Variants in PTPN4 observed in about 807,000 individuals in gnomAD.
PTPN4 encodes the protein tyrosine-protein phosphatase non-receptor type 4.
In PTPN4, 49 loss-of-function variants were observed where a neutral mutation model predicts 135.5. That is an observed-to-expected ratio of 0.36 (90% CI 0.29 to 0.46). The LOEUF is 0.46. Ranked by LOEUF, PTPN4 falls within the 20% of genes least tolerant of loss-of-function variation. The pLI, the probability that PTPN4 is intolerant of heterozygous loss-of-function variation, is 1.00. For missense variants in PTPN4, 860 were observed against 1,101.0 expected, an observed-to-expected ratio of 0.78 and a Z score of 3.10; for synonymous variants, 333 against 369.9, an observed-to-expected ratio of 0.90 and a Z score of 1.14.
At chr2:119,857,442 G>C (rs377031376) in intron 2 of PTPN4, among the ~76,000 whole-genome samples, 2 of 151,712 alleles carry the variant, frequency 1.3e-5, no homozygotes, top group East Asian at 3.9e-4. Flanking sequence ...GCTGAGGCAG[G>C]GGAATTGCTT....
Position 119,983,239 on chromosome 2 carries a change from A to G in PTPN4, c.*6169A>G, listed in dbSNP as rs1558782707. ...TGATAAGCTTAAATGCCACATCGCT[A>G]AGTACAATTATTACCAGGAATCCGT... On this transcript the variant is annotated 3_prime_UTR_variant, in exon 27 of 27. Transcript: ENST00000263708. 1 of 152,192 alleles carries G rather than the reference A, an allele frequency of 6.6e-6. No individual in the cohort carries two copies. The highest frequency in any genetic ancestry group is 1.5e-5 in the Non-Finnish European group (1 of 68,034). 9.4% of individuals were successfully genotyped at this position (152,192 alleles called of 1,614,324 possible).
intron 2 of PTPN4, among the ~76,000 whole-genome samples, chr2:119,822,796 C>T (rs1053134656): frequency 6.6e-6 from 1 of 152,108 alleles, no homozygotes; most frequent in African/African-American, 2.4e-5. Flanking sequence ...AACACATTTT[C>T]AGTCCATCAC....
intron 2 of PTPN4, among the ~76,000 whole-genome samples, chr2:119,815,967 C>T (rs907029482): frequency 1.3e-4 from 20 of 152,142 alleles, no homozygotes; most frequent in Admixed American, 1.3e-3. Flanking sequence ...GAATATCTCT[C>T]TCAATAAAAA....
intron 26 of PTPN4, among the ~76,000 whole-genome samples, chr2:119,972,845 A>C (rs941709869): frequency 4.6e-5 from 7 of 152,110 alleles, no homozygotes; most frequent in African/African-American, 1.7e-4. Context: ...TTAAGGTGGT[A>C]TATGACATTG....
chr2:119,843,089 G>C (rs1380288026), intron 2 of PTPN4, among the ~76,000 whole-genome samples: 2 of 152,094 alleles, frequency 1.3e-5, no homozygotes, highest in East Asian at 3.8e-4. Context: ...ATATGATCAT[G>C]TGACTTTTCA....
In PTPN4 at chr2:119,980,635, C is replaced by T. The variant is rs1051251302; in HGVS notation, c.*3565C>T. 6.6e-6 allele frequency: 1 copy of T among 151,734 alleles called. No individual in the cohort carries two copies. The highest frequency in any genetic ancestry group is 3.2e-3 in the Middle Eastern group (1 of 316). The allele number at this position is 151,734 out of a possible 1,614,324, so 9.4% of individuals were successfully genotyped here. ...AATTCTTGTGAATTTTTGTCTATTT[C>T]CAGTAGAGAAGCATACTCAGCCAAT... On this transcript the variant is annotated 3_prime_UTR_variant, in exon 27 of 27. Coordinates refer to ENST00000263708, the MANE Select transcript of PTPN4 (RefSeq NM_002830.4).
In PTPN4 at chr2:119,846,463, G is replaced by A. The variant is rs1001836193; in HGVS notation, c.139-16073G>A. 4.6e-5 allele frequency among the ~76,000 whole-genome samples: 7 copies of A among 151,650 alleles called. No individual in the cohort carries two copies. In the East Asian group the frequency reaches 5.8e-4, roughly 13 times the overall value. ...AGTATAGCTGTTCCACCTTCCTTAC[G>A]GTGTAACTTTTTAAATCCTTTACTT... On this transcript the variant is annotated intron_variant, in intron 2 of 26. Transcript: ENST00000263708.
intron 2 of PTPN4, among the ~76,000 whole-genome samples, chr2:119,831,602 G>A (rs1677220842): frequency 6.6e-6 from 1 of 152,144 alleles, no homozygotes; most frequent in South Asian, 2.1e-4. Context: ...TTTGGTCATT[G>A]TATAATAATT....
chr2:119,930,830 T>G (rs1678894520), intron 13 of PTPN4, among the ~76,000 whole-genome samples: 1 of 141,756 alleles, frequency 7.1e-6, no homozygotes, highest in Non-Finnish European at 1.5e-5. Flanking sequence ...TTGGTAATTG[T>G]TTTTTTTTTT....
chr2:119,836,590 G>A lies in PTPN4; in HGVS notation c.139-25946G>A, dbSNP rs74421063. Among the ~76,000 whole-genome samples the A allele has an allele frequency of 8.5e-5, 13 of 152,362 alleles. No homozygotes were observed. In the East Asian group the frequency reaches 1.9e-3, roughly 23 times the overall value. ...GCCCTGCCCCCTTTCCAAGTTGGCA[G>A]AGTGGGAAACCTGCCCTTCTGGGGG... On this transcript the variant is annotated intron_variant, in intron 2 of 26. Coordinates refer to ENST00000263708, the MANE Select transcript of PTPN4 (RefSeq NM_002830.4).
At chr2:119,864,287 G>A (rs944330037) in intron 3 of PTPN4, among the ~76,000 whole-genome samples, 1 of 152,100 alleles carries the variant, frequency 6.6e-6, no homozygotes, top group Non-Finnish European at 1.5e-5. Context: ...GCTGAAGGGA[G>A]AGTGAGATGT....
At chr2:119,887,318 A>T (rs1006217884) in intron 9 of PTPN4, among the ~76,000 whole-genome samples, 2 of 152,098 alleles carry the variant, frequency 1.3e-5, no homozygotes, top group Non-Finnish European at 1.5e-5. Flanking sequence ...ATGAGATCAC[A>T]TCTCTACAAA....
At chr2:119,818,011 T>G (rs552896249) in intron 2 of PTPN4, among the ~76,000 whole-genome samples, 12 of 152,314 alleles carry the variant, frequency 7.9e-5, no homozygotes, top group African/African-American at 2.9e-4. Context: ...ACGTTGATTT[T>G]GTTTCCTGAG....
chr2:119,867,272 A>G (rs1416116752), intron 3 of PTPN4, among the ~76,000 whole-genome samples: 1 of 152,144 alleles, frequency 6.6e-6, no homozygotes, highest in Admixed American at 6.5e-5. Flanking sequence ...TGTAGCCAGC[A>G]ACTAATAGAC....
At chr2:119,761,936 A>T (rs1690514182) in intron 1 of PTPN4, among the ~76,000 whole-genome samples, 1 of 152,146 alleles carries the variant, frequency 6.6e-6, no homozygotes, top group Admixed American at 6.5e-5. Flanking sequence ...CCCATTTTCT[A>T]ACATCTTAGC....
At chr2:119,946,473 A>C (rs1317457936) in intron 17 of PTPN4, 45 bp from the exon 18 acceptor site, 6 of 1,591,716 alleles carry the variant, frequency 3.8e-6, no homozygotes. Flanking sequence ...AGATGTTCTT[A>C]TTTTGGTAAT....
chr2:119,948,771 G>T lies in PTPN4; in HGVS notation c.1656+2197G>T, dbSNP rs372770978. Among the ~76,000 whole-genome samples, 4 of 152,166 alleles carry T rather than the reference G, an allele frequency of 2.6e-5. No homozygotes were observed. The South Asian group carries it at 8.3e-4, about 32-fold the overall frequency. ...TATAAATATGGAAATATATCCATAC[G>T]ATGGCATTATGGAAAAATATATAAT... On this transcript the variant is annotated intron_variant, in intron 18 of 26. Coordinates refer to ENST00000263708, the MANE Select transcript of PTPN4 (RefSeq NM_002830.4).
At chr2:119,933,894 G>A (rs887387238) in intron 14 of PTPN4, among the ~76,000 whole-genome samples, 1 of 152,026 alleles carries the variant, frequency 6.6e-6, no homozygotes, top group Non-Finnish European at 1.5e-5. Context: ...TATATTCAAA[G>A]CCTCATTAGC....
chr2:119,823,966 GCTATAA>G (rs1460314147), intron 2 of PTPN4, among the ~76,000 whole-genome samples: 1 of 152,166 alleles, frequency 6.6e-6, no homozygotes, highest in East Asian at 1.9e-4. Context: ...AAGACAACAT[GCTATAA>G]CTATATCTTT....
Sources: allele counts gnomAD v4.1 joint callset (sites outside exome capture counted in the v4.1 genomes callset), GRCh38; gene constraint gnomAD v4.1.1; transcripts MANE v1.5; gene names NCBI Gene and HGNC (gene_info 2026-07-23, HGNC 2026-07-21).